Variants in TRIM2 observed in about 807,000 individuals in gnomAD.
The protein encoded by TRIM2 is tripartite motif-containing protein 2.
Under a neutral mutation model 75.2 loss-of-function variants are expected in TRIM2, and 20 were observed. The ratio of observed to expected loss-of-function variants is 0.27; its 90% CI spans 0.19 to 0.39. The LOEUF (loss-of-function observed/expected upper bound fraction) is 0.39. Ranked by LOEUF, TRIM2 falls within the 10% of genes least tolerant of loss-of-function variation. TRIM2 has a pLI of 1.00. For missense variants in TRIM2, 660 were observed against 990.8 expected, an observed-to-expected ratio of 0.67 and a Z score of 4.48; for synonymous variants, 373 against 388.3, an observed-to-expected ratio of 0.96 and a Z score of 0.46.
intron 1 of TRIM2, among the ~76,000 whole-genome samples, chr4:153,265,339 T>TG (rs1754689526): frequency 9.1e-6 from 1 of 110,414 alleles, no homozygotes; most frequent in African/African-American, 4.1e-5. Context: ...GTTTTTTGTG[T>TG]TTTTTTTTGT....
intron 3 of TRIM2, among the ~76,000 whole-genome samples, chr4:153,278,826 A>T (rs2405972): frequency 0.99 from 146,621 of 148,030 alleles, 72,618 homozygotes; most frequent in East Asian, 1. Flanking sequence ...TAAGAAAAAA[A>T]AAATAAATGT....
intron 1 of TRIM2, among the ~76,000 whole-genome samples, chr4:153,170,040 A>C (rs1470603280): frequency 6.6e-6 from 1 of 152,202 alleles, no homozygotes; most frequent in East Asian, 1.9e-4. Flanking sequence ...TGGATGGTAC[A>C]TTTCAATCCA....
chr4:153,338,539 T>G lies in TRIM2; in HGVS notation c.*3573T>G. 1 of 983,874 alleles carries G rather than the reference T, an allele frequency of 1.0e-6. No homozygotes were observed. Among genetic ancestry groups the G allele is most frequent in the Non-Finnish European group, 1.2e-6 (1 of 828,158 alleles). 60.9% of individuals were successfully genotyped at this position (983,874 alleles called of 1,614,324 possible). ...GCAGGGTTTTAAACTTTATAATTACTTTAATATTTTTGATAACTAGAAATC... is the reference window on the plus strand; with the variant it reads ...GCAGGGTTTTAAACTTTATAATTACGTTAATATTTTTGATAACTAGAAATC... On this transcript the variant is annotated 3_prime_UTR_variant, in exon 12 of 12. Coordinates refer to ENST00000338700, the MANE Select transcript of TRIM2 (RefSeq NM_015271.5).
At chr4:153,154,612 A>G (rs1243470055) in intron 1 of TRIM2, among the ~76,000 whole-genome samples, 1 of 152,258 alleles carries the variant, frequency 6.6e-6, no homozygotes, top group African/African-American at 2.4e-5. Flanking sequence ...GAGAGCAAGT[A>G]GAAAAGACAG....
chr4:153,204,504 A>C lies in TRIM2; in HGVS notation c.-27A>C, dbSNP rs1185157446. 1.9e-6 allele frequency: 3 copies of C among 1,551,648 alleles called. No individual in the cohort carries two copies. Among genetic ancestry groups the C allele is most frequent in the Non-Finnish European group, 2.6e-6 (3 of 1,146,992 alleles). Reference sequence around the variant, plus strand: ...GGGCTGCGGGGAGCTAAGTCCCCAGATTGGAGGAGGCTGGCTCTGGTCTTC... The same window carrying C: ...GGGCTGCGGGGAGCTAAGTCCCCAGCTTGGAGGAGGCTGGCTCTGGTCTTC... On this transcript the variant is annotated 5_prime_UTR_variant, in exon 1 of 12. Transcript: ENST00000338700.
At chr4:153,204,697 G>A (rs1330804002) in intron 1 of TRIM2, 137 bp downstream of exon 1, 6 of 1,179,952 alleles carry the variant, frequency 5.1e-6, no homozygotes, top group African/African-American at 1.5e-5. Flanking sequence ...GGAAGGAAAA[G>A]ACTGGGATTT....
At chr4:153,162,703 G>T (rs1306679228) in intron 1 of TRIM2, among the ~76,000 whole-genome samples, 1 of 152,202 alleles carries the variant, frequency 6.6e-6, no homozygotes, top group Non-Finnish European at 1.5e-5. Context: ...AGTAGTTTCT[G>T]AACTGTGGCA....
At chr4:153,199,595 T>C (rs1015521347), upstream of TRIM2, among the ~76,000 whole-genome samples, 1 of 152,254 alleles carries the variant, frequency 6.6e-6, no homozygotes, top group Non-Finnish European at 1.5e-5. Flanking sequence ...ATTATTATTA[T>C]TATTTTCATT....
Position 153,337,870 on chromosome 4 carries a change from A to C in TRIM2, c.*2904A>C. 5.1e-6 allele frequency: 5 copies of C among 985,840 alleles called. No homozygotes were observed. The highest frequency in any genetic ancestry group is 6.0e-6 in the Non-Finnish European group (5 of 829,936). The allele number at this position is 985,840 out of a possible 1,614,324, so 61.1% of individuals were successfully genotyped here. A position where few individuals can be genotyped will look rare whatever the true frequency, so the allele number is the denominator to read the frequency against. On this transcript the variant is annotated 3_prime_UTR_variant, in exon 12 of 12. Coordinates refer to ENST00000338700, the MANE Select transcript of TRIM2 (RefSeq NM_015271.5). ...TATTGCCGGTTGGGATTTCAAGGTC[A>C]GTGACGACGCATTTCCTCCCAGTAC...
intron 1 of TRIM2, among the ~76,000 whole-genome samples, chr4:153,184,843 C>A (rs191293113): frequency 6.6e-6 from 1 of 152,188 alleles, no homozygotes; most frequent in East Asian, 1.9e-4. Context: ...TCTGCTGCCA[C>A]CTTCATGCCT....
chr4:153,318,140 A>C (rs1460570779), intron 8 of TRIM2, among the ~76,000 whole-genome samples: 1 of 152,222 alleles, frequency 6.6e-6, no homozygotes, highest in Non-Finnish European at 1.5e-5. Context: ...TCATGCAGGC[A>C]CCTGGTGGTC....
intron 6 of TRIM2, among the ~76,000 whole-genome samples, chr4:153,297,386 C>T (rs1224133739): frequency 6.6e-6 from 1 of 152,084 alleles, no homozygotes; most frequent in Non-Finnish European, 1.5e-5. Context: ...GAGCCTTGGG[C>T]AAATCTTTCA....
chr4:153,313,889 G>A (rs1218930555), intron 6 of TRIM2, among the ~76,000 whole-genome samples: 1 of 151,852 alleles, frequency 6.6e-6, no homozygotes, highest in South Asian at 2.1e-4. Flanking sequence ...CGTCCATCTC[G>A]GCCTCACAAA....
At chr4:153,223,477 T>C (rs1741265207) in intron 1 of TRIM2, among the ~76,000 whole-genome samples, 1 of 152,218 alleles carries the variant, frequency 6.6e-6, no homozygotes, top group African/African-American at 2.4e-5. Context: ...TCCTCTTTTA[T>C]TCTTTGCCCC....
chr4:153,306,516 A>T (rs923575251), intron 6 of TRIM2, among the ~76,000 whole-genome samples: 1 of 152,232 alleles, frequency 6.6e-6, no homozygotes, highest in Non-Finnish European at 1.5e-5. Flanking sequence ...AGCAAAAAGT[A>T]TAGAGAAGTT....
At chr4:153,271,791 G>A (rs1369572910) in intron 2 of TRIM2, among the ~76,000 whole-genome samples, 3 of 152,180 alleles carry the variant, frequency 2.0e-5, no homozygotes, top group Non-Finnish European at 2.9e-5. Context: ...CACATGGGAA[G>A]ATCGTTACCT....
chr4:153,321,407 G>T (rs1407454895), intron 8 of TRIM2, among the ~76,000 whole-genome samples: 3 of 152,022 alleles, frequency 2.0e-5, no homozygotes, highest in Non-Finnish European at 1.5e-5. Context: ...GAAAAGTAAA[G>T]GTACAAGACC....
intron 1 of TRIM2, among the ~76,000 whole-genome samples, chr4:153,221,603 C>T (rs1432569048): frequency 6.6e-6 from 1 of 151,948 alleles, no homozygotes; most frequent in African/African-American, 2.4e-5. Flanking sequence ...GAAGATAAGG[C>T]CCTTGAAAGT....
At chr4:153,328,049 T>G (rs1042705031) in intron 10 of TRIM2, among the ~76,000 whole-genome samples, 2 of 152,210 alleles carry the variant, frequency 1.3e-5, no homozygotes, top group African/African-American at 4.8e-5. Context: ...TTTCTAGTTA[T>G]GTTGATGTAG....
Sources: allele counts gnomAD v4.1 joint callset (sites outside exome capture counted in the v4.1 genomes callset), GRCh38; gene constraint gnomAD v4.1.1; transcripts MANE v1.5; gene names NCBI Gene and HGNC (gene_info 2026-07-23, HGNC 2026-07-21).